Variants in CDH12 observed in about 807,000 individuals in gnomAD.
The protein encoded by CDH12 is cadherin-12.
A neutral mutation model predicts 74.1 loss-of-function variants in CDH12; 41 were observed. The ratio of observed to expected loss-of-function variants is 0.55; its 90% CI spans 0.43 to 0.72. CDH12 has a LOEUF of 0.72. CDH12 is among the 30% of genes least tolerant of loss of function. The pLI is 0.00. For missense variants in CDH12, 945 were observed against 977.2 expected, an observed-to-expected ratio of 0.97 and a Z score of 0.44; for synonymous variants, 399 against 355.0, an observed-to-expected ratio of 1.12 and a Z score of -1.39.
intron 4 of CDH12, among the ~76,000 whole-genome samples, chr5:22,180,057 G>T (rs1749551940): frequency 6.6e-6 from 1 of 152,106 alleles, no homozygotes; most frequent in South Asian, 2.1e-4. Context: ...AAGGAGATTA[G>T]ATCTCATTAA....
At chr5:22,830,635 TTC>T (rs1736558867) in intron 1 of CDH12, among the ~76,000 whole-genome samples, 1 of 151,024 alleles carries the variant, frequency 6.6e-6, no homozygotes, top group African/African-American at 2.5e-5. Context: ...TTTCTATATT[TTC>T]TGTTTCTAAT....
chr5:22,051,603 T>C (rs1415348163), intron 5 of CDH12, among the ~76,000 whole-genome samples: 1 of 152,144 alleles, frequency 6.6e-6, no homozygotes, highest in African/African-American at 2.4e-5. Flanking sequence ...TTATTTTTGA[T>C]ATCTCTGAAA....
At chr5:22,225,190 A>C (rs1216125675) in intron 3 of CDH12, among the ~76,000 whole-genome samples, 2 of 152,068 alleles carry the variant, frequency 1.3e-5, no homozygotes, top group Non-Finnish European at 2.9e-5. Context: ...ACTTTGTGAC[A>C]ATTTTATTGA....
chr5:22,394,832 T>A (rs1447577552), intron 3 of CDH12, among the ~76,000 whole-genome samples: 2 of 152,170 alleles, frequency 1.3e-5, no homozygotes, highest in African/African-American at 4.8e-5. Flanking sequence ...CATATCTAAG[T>A]TAAATTATCA....
At chr5:21,834,666 A>T (rs904284906) in intron 8 of CDH12, among the ~76,000 whole-genome samples, 1 of 152,000 alleles carries the variant, frequency 6.6e-6, no homozygotes, top group South Asian at 2.1e-4. Flanking sequence ...AAACATTAAC[A>T]TATCATGAAC....
chr5:22,267,268 T>A (rs972876516), intron 3 of CDH12, among the ~76,000 whole-genome samples: 1 of 152,196 alleles, frequency 6.6e-6, no homozygotes, highest in African/African-American at 2.4e-5. Context: ...GTTCTATTGA[T>A]CAACTGTTAT....
chr5:21,963,415 A>C (rs1341918450), intron 6 of CDH12, among the ~76,000 whole-genome samples: 4 of 152,078 alleles, frequency 2.6e-5, no homozygotes. Context: ...TCTTCCTCTA[A>C]ACTCGTTATT....
intron 6 of CDH12, among the ~76,000 whole-genome samples, chr5:21,958,141 T>C (rs994114465): frequency 2.0e-5 from 3 of 152,212 alleles, no homozygotes; most frequent in African/African-American, 7.2e-5. Flanking sequence ...CCTGCCGCTT[T>C]GTGAAAAAGG....
chr5:22,815,783 A>T lies in CDH12; in HGVS notation c.-523+37275T>A, dbSNP rs1175620771. ...AGACTCCGTCTCAAAAAAAAAAAAA[A>T]AATAAATAAATAATAAAAATAAAAA... On this transcript the variant is annotated intron_variant, in intron 1 of 14. Coordinates refer to ENST00000382254, the MANE Select transcript of CDH12 (RefSeq NM_004061.5). Among the ~76,000 whole-genome samples, 13 of 144,568 alleles carry T rather than the reference A, an allele frequency of 9.0e-5. No homozygotes were observed. In the East Asian group the frequency reaches 1.2e-3, roughly 13 times the overall value. 94.8% of individuals were successfully genotyped at this position (144,568 alleles called of 152,430 possible). A position where few individuals can be genotyped will look rare whatever the true frequency, so the allele number is the denominator to read the frequency against.
At chr5:22,003,680 C>T (rs1580097149) in intron 5 of CDH12, among the ~76,000 whole-genome samples, 1 of 151,822 alleles carries the variant, frequency 6.6e-6, no homozygotes, top group African/African-American at 2.4e-5. Context: ...ACTTCACTAC[C>T]ACACAGAAAG....
intron 2 of CDH12, among the ~76,000 whole-genome samples, chr5:22,423,459 A>T (rs1191992718): frequency 6.6e-6 from 1 of 152,170 alleles, no homozygotes; most frequent in East Asian, 1.9e-4. Context: ...GGATTTCAGA[A>T]TAACTAGGAA....
At chr5:22,451,882 CA>C (rs1745057752) in intron 2 of CDH12, among the ~76,000 whole-genome samples, 1 of 151,850 alleles carries the variant, frequency 6.6e-6, no homozygotes, top group Non-Finnish European at 1.5e-5. Flanking sequence ...GGTAAACTTG[CA>C]GGACACAACA....
chr5:22,764,564 C>A (rs1246987644), intron 1 of CDH12, among the ~76,000 whole-genome samples: 1 of 151,908 alleles, frequency 6.6e-6, no homozygotes, highest in African/African-American at 2.4e-5. Flanking sequence ...AAATCTCAAA[C>A]AATTTCCACG....
chr5:22,094,090 A>G (rs1743598632), intron 4 of CDH12, among the ~76,000 whole-genome samples: 1 of 152,224 alleles, frequency 6.6e-6, no homozygotes, highest in African/African-American at 2.4e-5. Flanking sequence ...GAAATCGCCC[A>G]CATTTGCTTT....
intron 4 of CDH12, among the ~76,000 whole-genome samples, chr5:22,211,789 C>T (rs1010018727): frequency 6.7e-6 from 1 of 150,100 alleles, no homozygotes; most frequent in African/African-American, 2.4e-5. Flanking sequence ...TTTACAAACA[C>T]GTAATCTCTT....
At position 21,942,860 on chromosome 5, in the gene CDH12, T is replaced by C. The variant is rs371817381; in HGVS notation, c.526+32231A>G. ...CTTTTAATGAGTTGGCATTGACTAG[T>C]ATGAGAAAAACAAGGCACAGAGAGT... On this transcript the variant is annotated intron_variant, in intron 6 of 14. Coordinates refer to ENST00000382254, the MANE Select transcript of CDH12 (RefSeq NM_004061.5). 2.0e-4 allele frequency among the ~76,000 whole-genome samples: 30 copies of C among 152,284 alleles called. No individual in the cohort carries two copies. In the South Asian group the frequency reaches 5.2e-3, roughly 26 times the overall value.
At chr5:22,081,717 C>G (rs1384394913) in intron 4 of CDH12, among the ~76,000 whole-genome samples, 1 of 152,136 alleles carries the variant, frequency 6.6e-6, no homozygotes, top group Non-Finnish European at 1.5e-5. Flanking sequence ...GGACATATGA[C>G]AACATTCATC....
intron 1 of CDH12, among the ~76,000 whole-genome samples, chr5:22,825,684 G>T (rs1033684140): frequency 1.3e-5 from 2 of 152,110 alleles, no homozygotes; most frequent in Non-Finnish European, 2.9e-5. Context: ...CTAAAACATT[G>T]TAAGTCCTCT....
chr5:22,475,325 A>T (rs1004647775), intron 2 of CDH12, among the ~76,000 whole-genome samples: 1 of 151,998 alleles, frequency 6.6e-6, no homozygotes, highest in Non-Finnish European at 1.5e-5. Flanking sequence ...ATGAAAATGC[A>T]TGCATTTTAT....
Sources: gnomAD v4.1 joint callset for allele counts (sites outside exome capture counted in the v4.1 genomes callset) on GRCh38, gnomAD v4.1.1 for gene constraint, MANE v1.5 for transcripts, NCBI Gene and HGNC (gene_info 2026-07-23, HGNC 2026-07-21) for gene names.